Variants in UHRF2 observed in about 807,000 individuals in gnomAD.
The protein encoded by UHRF2 is E3 ubiquitin-protein ligase UHRF2.
Under a neutral mutation model 96.8 loss-of-function variants are expected in UHRF2, and 23 were observed. The observed-to-expected ratio is 0.24, with a 90% CI of 0.17 to 0.34. The LOEUF (loss-of-function observed/expected upper bound fraction) is 0.34. Ranked by LOEUF, UHRF2 falls within the 10% of genes least tolerant of loss-of-function variation. UHRF2 has a pLI of 1.00. For missense variants in UHRF2, 685 were observed against 981.5 expected (o/e 0.70, Z 4.04); for synonymous variants, 385 against 332.6 (o/e 1.16, Z -1.72).
chr9:6,440,878 GC>G (rs1171055397), intron 3 of UHRF2, among the ~76,000 whole-genome samples: 3 of 152,120 alleles, frequency 2.0e-5, no homozygotes, highest in African/African-American at 7.2e-5. Context: ...TTCTGAGGGA[GC>G]CCCCTTCCCT....
At chr9:6,435,303 T>C (rs906966076) in intron 3 of UHRF2, among the ~76,000 whole-genome samples, 2 of 152,082 alleles carry the variant, frequency 1.3e-5, no homozygotes, top group Non-Finnish European at 2.9e-5. Context: ...CGGCTAATTT[T>C]TTTGTAGAGA....
intron 8 of UHRF2, among the ~76,000 whole-genome samples, chr9:6,484,866 T>C (rs1233250484): frequency 7.3e-6 from 1 of 137,342 alleles, no homozygotes; most frequent in Non-Finnish European, 1.5e-5. Flanking sequence ...CAATCTCGGC[T>C]CACCGCAACC....
chr9:6,455,309 C>T (rs1301689865), intron 3 of UHRF2, among the ~76,000 whole-genome samples: 1 of 152,116 alleles, frequency 6.6e-6, no homozygotes, highest in East Asian at 1.9e-4. Context: ...CCACAACAGG[C>T]CCGGGTGTGC....
At chr9:6,468,758 T>G (rs1449900087) in intron 4 of UHRF2, 2 of 450,338 alleles carry the variant, frequency 4.4e-6, no homozygotes, top group Admixed American at 2.4e-5. Context: ...GATTTTAGGG[T>G]AACTGGTGTA....
intron 3 of UHRF2, among the ~76,000 whole-genome samples, chr9:6,448,990 C>G (rs933803657): frequency 3.3e-5 from 5 of 152,140 alleles, no homozygotes; most frequent in Non-Finnish European, 7.4e-5. Context: ...TTGCTTTAAC[C>G]ATCATCAACT....
chr9:6,448,636 G>A (rs190286022), intron 3 of UHRF2, among the ~76,000 whole-genome samples: 17 of 152,224 alleles, frequency 1.1e-4, no homozygotes, highest in Non-Finnish European at 2.4e-4. Flanking sequence ...ATGGAGGCAA[G>A]TGAACTGTAT....
In UHRF2 at chr9:6,464,946, A is replaced by G. The variant is rs560683705; in HGVS notation, c.863+4155A>G. Among the ~76,000 whole-genome samples the G allele has an allele frequency of 2.6e-5, 4 of 152,288 alleles. No individual in the cohort carries two copies. In the East Asian group the frequency reaches 7.7e-4, roughly 29 times the overall value. On this transcript the variant is annotated intron_variant, in intron 4 of 15. Coordinates refer to ENST00000276893, the MANE Select transcript of UHRF2 (RefSeq NM_152896.3). The stretch of plus-strand genomic sequence containing the variant: ...AGTATCCTTTGATCTTGGACTCAGT[A>G]GCTTTACTAGATTTACTAATTTTAA...
At chr9:6,420,164 C>T (rs1443138457) in intron 1 of UHRF2, among the ~76,000 whole-genome samples, 1 of 151,668 alleles carries the variant, frequency 6.6e-6, no homozygotes. Context: ...TCAAGAGATT[C>T]TCTTGCCTCT....
intron 4 of UHRF2, among the ~76,000 whole-genome samples, chr9:6,473,692 G>C (rs963632067): frequency 6.6e-5 from 10 of 152,174 alleles, no homozygotes; most frequent in African/African-American, 2.4e-4. Flanking sequence ...ATAGTAAATA[G>C]TTTAACATGG....
At chr9:6,438,711 T>G (rs927171019) in intron 3 of UHRF2, among the ~76,000 whole-genome samples, 3 of 152,200 alleles carry the variant, frequency 2.0e-5, no homozygotes, top group African/African-American at 4.8e-5. Context: ...ATGGAGCTGT[T>G]TAAAAGCTGT....
chr9:6,425,895 A>AG (rs1820230854), intron 2 of UHRF2, among the ~76,000 whole-genome samples: 1 of 152,234 alleles, frequency 6.6e-6, no homozygotes, highest in South Asian at 2.1e-4. Flanking sequence ...CTGTGTATAT[A>AG]TACATCTATG....
Position 6,460,427 on chromosome 9 carries a change from A to G in UHRF2, c.645-146A>G. The stretch of plus-strand genomic sequence containing the variant: ...TACAGGTGAGAAACCAACATGAAGT[A>G]ATAACACCTGCTATTTAAGGACACT... On this transcript the variant is annotated intron_variant, in intron 3 of 15. Transcript: ENST00000276893. 6.4e-6 allele frequency: 4 copies of G among 627,672 alleles called. No homozygotes were observed. The South Asian group carries it at 8.8e-5, about 14-fold the overall frequency. The allele number at this position is 627,672 out of a possible 1,614,324, so 38.9% of individuals were successfully genotyped here.
intron 1 of UHRF2, among the ~76,000 whole-genome samples, chr9:6,414,448 C>T (rs1359574849): frequency 6.6e-6 from 1 of 152,186 alleles, no homozygotes; most frequent in African/African-American, 2.4e-5. Context: ...GCATAGCCAG[C>T]GGTGCATACT....
chr9:6,476,963 G>A (rs1260499335), intron 5 of UHRF2, among the ~76,000 whole-genome samples: 1 of 152,144 alleles, frequency 6.6e-6, no homozygotes, highest in East Asian at 1.9e-4. Context: ...TAGAAAAGCT[G>A]TATGCTGGCT....
At chr9:6,421,983 G>A (rs575642602) in intron 2 of UHRF2, among the ~76,000 whole-genome samples, 12 of 151,950 alleles carry the variant, frequency 7.9e-5, no homozygotes, top group African/African-American at 2.7e-4. Context: ...AACATACCGC[G>A]GTATATTTAA....
intron 14 of UHRF2, among the ~76,000 whole-genome samples, chr9:6,501,830 C>T (rs116557843): frequency 6.6e-6 from 1 of 152,122 alleles, no homozygotes; most frequent in Non-Finnish European, 1.5e-5. Flanking sequence ...CCTAATTATT[C>T]TCTGATTGGG....
intron 2 of UHRF2, among the ~76,000 whole-genome samples, chr9:6,425,416 C>T (rs1179093291): frequency 6.6e-6 from 1 of 152,080 alleles, no homozygotes; most frequent in Non-Finnish European, 1.5e-5. Flanking sequence ...CTGCTTCAGT[C>T]CTAGAATCAA....
At chr9:6,463,789 T>TA (rs1236354992) in intron 4 of UHRF2, among the ~76,000 whole-genome samples, 2 of 152,104 alleles carry the variant, frequency 1.3e-5, no homozygotes, top group Non-Finnish European at 2.9e-5. Context: ...TTTTTTTTTT[T>TA]AATGATTAGA....
chr9:6,499,918 G>A lies in UHRF2; in HGVS notation c.1992G>A (p.Arg664=). ...AGCAGCCCAGTGGAACCACAAAAAGGCCAATTTCAGATGGTAGGTAATGAT... is the reference window on the plus strand; with the variant it reads ...AGCAGCCCAGTGGAACCACAAAAAGACCAATTTCAGATGGTAGGTAATGAT... ...SKKQPSGTTK[R]PISDDDCPSA... The change falls in exon 13 of 16, where the codon AGG becomes AGA. Residue 664 remains arginine (R), a synonymous_variant. Transcript: ENST00000276893. 6.2e-7 allele frequency: 1 copy of A among 1,609,076 alleles called. No individual in the cohort carries two copies.
Sources: allele counts gnomAD v4.1 joint callset (sites outside exome capture counted in the v4.1 genomes callset), GRCh38; gene constraint gnomAD v4.1.1; transcripts MANE v1.5; gene names NCBI Gene and HGNC (gene_info 2026-07-23, HGNC 2026-07-21).